Variants in SMAD2 observed in about 807,000 individuals in gnomAD.
The protein encoded by SMAD2 is SMAD family member 2.
In SMAD2, 8 loss-of-function variants were observed where a neutral mutation model predicts 64.4. The observed-to-expected ratio is 0.12, with a 90% CI of 0.07 to 0.22. The LOEUF (loss-of-function observed/expected upper bound fraction) is 0.22. Among genes scored for constraint, SMAD2 ranks in the 10% least tolerant of loss-of-function variants. The pLI, the probability that SMAD2 is intolerant of heterozygous loss-of-function variation, is 1.00. For missense variants in SMAD2, 289 were observed against 561.2 expected, an observed-to-expected ratio of 0.51 and a Z score of 4.90; for synonymous variants, 203 against 195.8, an observed-to-expected ratio of 1.04 and a Z score of -0.31.
chr18:47,902,166 A>G (rs1207040135), intron 1 of SMAD2, among the ~76,000 whole-genome samples: 2 of 152,132 alleles, frequency 1.3e-5, no homozygotes, highest in African/African-American at 4.8e-5. Flanking sequence ...TGCAGCCCAA[A>G]GGCCTCCTCT....
In SMAD2 at chr18:47,819,003, GTATA is replaced by G. The variant is rs1255296997; in HGVS notation, c.*22820_*22823del. ...TATGTTTAGGTGTGTTTACACATAT[GTATA>G]TATATGTTGTATGTTGTGTCTACGT... On this transcript the variant is annotated 3_prime_UTR_variant, in exon 11 of 11. Transcript: ENST00000262160. 1.3e-5 allele frequency: 2 copies of G among 152,192 alleles called. No individual in the cohort carries two copies. The highest frequency in any genetic ancestry group is 2.9e-5 in the Non-Finnish European group (2 of 68,040). The allele number at this position is 152,192 out of a possible 1,614,324, so 9.4% of individuals were successfully genotyped here.
chr18:47,848,916 T>C (rs531143647), intron 7 of SMAD2, among the ~76,000 whole-genome samples: 68 of 152,300 alleles, frequency 4.5e-4, no homozygotes, highest in African/African-American at 1.6e-3. Flanking sequence ...TTTTCAAATT[T>C]CTCCCATGTC....
chr18:47,833,675 T>A lies in SMAD2; in HGVS notation c.*8152A>T, dbSNP rs16958497. 0.013 allele frequency: 2,919 copies of A among 231,216 alleles called. 76 individuals are homozygous for A. Among genetic ancestry groups the A allele is most frequent in the African/African-American group, 0.059 (2,663 of 45,334 alleles). The allele number at this position is 231,216 out of a possible 1,614,324, so 14.3% of individuals were successfully genotyped here. A position where few individuals can be genotyped will look rare whatever the true frequency, so the allele number is the denominator to read the frequency against. ...ATTGAGAGAAACTGCTCAGTCTGCA[T>A]CAGGACACCCAATTCCTTCACTTGC... is the stretch of plus-strand genomic sequence containing the variant. On this transcript the variant is annotated 3_prime_UTR_variant, in exon 11 of 11. Coordinates refer to ENST00000262160, the MANE Select transcript of SMAD2 (RefSeq NM_005901.6).
chr18:47,845,433 T>C lies in SMAD2; in HGVS notation c.1187A>G (p.Gln396Arg). ...GGCTTCAAAACCCTGATTAACAGAC[T>C]GAGCCAGAAGAGCAGCAAATTCCTG... is the stretch of plus-strand genomic sequence containing the variant. ...NNQEFAALLA[Q>R]SVNQGFEAVY... The change falls in exon 10 of 11, where the codon CAG becomes CGG. Residue 396 changes from glutamine (Q) to arginine (R), a missense_variant. Transcript: ENST00000262160. The C allele has an allele frequency of 6.2e-7, 1 of 1,613,590 alleles. No individual in the cohort carries two copies. The highest frequency in any genetic ancestry group is 8.5e-7 in the Non-Finnish European group (1 of 1,179,562).
At chr18:47,872,864 G>A (rs561609616) in intron 2 of SMAD2, among the ~76,000 whole-genome samples, 180 of 152,154 alleles carry the variant, frequency 1.2e-3, no homozygotes, top group Non-Finnish European at 2.0e-3. Context: ...GGGAACAGCC[G>A]ATTTAAAGTA....
Position 47,834,620 on chromosome 18 carries a change from A to G in SMAD2, c.*7207T>C, listed in dbSNP as rs1981. On this transcript the variant is annotated 3_prime_UTR_variant, in exon 11 of 11. Coordinates refer to ENST00000262160, the MANE Select transcript of SMAD2 (RefSeq NM_005901.6). ...AATGGCTAGTTCCTCTAAGCTTGCT[A>G]AAAGGCTAGGAAGTCCAGAAATACC... 117,495 of 205,710 alleles carry G rather than the reference A, an allele frequency of 0.57. 33,724 individuals carry two copies. Among genetic ancestry groups the G allele is most frequent in the East Asian group, 0.84 (11,726 of 14,030 alleles). The allele number at this position is 205,710 out of a possible 1,614,324, so 12.7% of individuals were successfully genotyped here.
chr18:47,930,433 T>C lies in SMAD2; in HGVS notation c.-126A>G, dbSNP rs190123098. ...GACCTTTTGTTCCTTCCTCTTCCGA[T>C]GGGATGGAGGGGGCTGGGAGGGGAA... On this transcript the variant is annotated 5_prime_UTR_variant, in exon 1 of 11. Transcript: ENST00000262160. 6.6e-6 allele frequency: 1 copy of C among 151,120 alleles called. No individual in the cohort carries two copies. Among genetic ancestry groups the C allele is most frequent in the Non-Finnish European group, 1.5e-5 (1 of 67,730 alleles). 9.4% of individuals were successfully genotyped at this position (151,120 alleles called of 1,614,324 possible). A position where few individuals can be genotyped will look rare whatever the true frequency, so the allele number is the denominator to read the frequency against.
At chr18:47,859,159 G>T (rs1180948147) in intron 6 of SMAD2, among the ~76,000 whole-genome samples, 2 of 152,108 alleles carry the variant, frequency 1.3e-5, no homozygotes, top group Non-Finnish European at 2.9e-5. Context: ...TTCCAAATGT[G>T]TATCATCTAA....
chr18:47,845,240 C>A (rs1318331026), intron 10 of SMAD2, 100 bp downstream of exon 10: 1 of 1,212,008 alleles, frequency 8.3e-7, no homozygotes, highest in Admixed American at 1.7e-5. Flanking sequence ...GACTCTATAA[C>A]CTCATTGAAA....
rs1309097991 is a variant in SMAD2 at position 47,815,398 on chromosome 18, G to C, written c.*26429C>G. 1 of 152,214 alleles carries C rather than the reference G, an allele frequency of 6.6e-6. No individual in the cohort carries two copies. Among genetic ancestry groups the C allele is most frequent in the Non-Finnish European group, 1.5e-5 (1 of 68,044 alleles). 9.4% of individuals were successfully genotyped at this position (152,214 alleles called of 1,614,324 possible). On this transcript the variant is annotated 3_prime_UTR_variant, in exon 11 of 11. Transcript: ENST00000262160. ...AAGAACATTGATAGAAAATCTGAAA[G>C]CCCACAGGGAATGTGGTCTAAAGCA...
chr18:47,886,231 T>G (rs751416966), intron 2 of SMAD2, among the ~76,000 whole-genome samples: 3 of 152,226 alleles, frequency 2.0e-5, no homozygotes, highest in Non-Finnish European at 4.4e-5. Flanking sequence ...TTTTGACAAT[T>G]AGCATCCCAC....
intron 1 of SMAD2, among the ~76,000 whole-genome samples, chr18:47,905,982 C>T (rs777254773): frequency 2.0e-5 from 3 of 151,784 alleles, no homozygotes; most frequent in South Asian, 2.1e-4. Context: ...AATAGCTGGG[C>T]GTGGTGCCTC....
chr18:47,868,235 A>T (rs1177230426), intron 5 of SMAD2, 88 bp downstream of exon 5: 2 of 1,172,318 alleles, frequency 1.7e-6, no homozygotes, highest in African/African-American at 3.0e-5. Context: ...TTTTTAAAAA[A>T]GTGAAACCAC....
chr18:47,881,860 A>C (rs772882216), intron 2 of SMAD2, among the ~76,000 whole-genome samples: 4 of 151,964 alleles, frequency 2.6e-5, no homozygotes, highest in Non-Finnish European at 5.9e-5. Context: ...TAATGCAGTA[A>C]ATTACATAGT....
chr18:47,867,292 G>T (rs779647553), intron 5 of SMAD2: 14 of 151,448 alleles, frequency 9.2e-5, no homozygotes, highest in Non-Finnish European at 1.8e-4. Context: ...CTTCCCATTT[G>T]TAAAACCAGC....
At position 47,840,223 on chromosome 18, in the gene SMAD2, T is replaced by C. The variant is rs920017652; in HGVS notation, c.*1604A>G. On this transcript the variant is annotated 3_prime_UTR_variant, in exon 11 of 11. Transcript: ENST00000262160. ...AATGATACCTATAGAGACAGGTGGA[T>C]ATGATTTCAAAGAACAAGTACCAAA... 1 of 233,100 alleles carries C rather than the reference T, an allele frequency of 4.3e-6. No homozygotes were observed. The highest frequency in any genetic ancestry group is 6.0e-5 in the East Asian group (1 of 16,626). The allele number at this position is 233,100 out of a possible 1,614,324, so 14.4% of individuals were successfully genotyped here.
intron 7 of SMAD2, 39 bp downstream of exon 7, chr18:47,851,235 C>G: frequency 7.4e-7 from 1 of 1,349,082 alleles, no homozygotes; most frequent in Non-Finnish European, 1.1e-6. Context: ...GTAGGTGATA[C>G]AGTATAAAAA....
rs1568034573 is a variant in SMAD2 at position 47,845,357 on chromosome 18, C to T, written c.1263G>A (p.Gly421=). Residue 421 remains glycine (G), a synonymous_variant, in exon 10 of 11, where the codon GGG becomes GGA. Transcript: ENST00000262160. The stretch of plus-strand genomic sequence containing the variant: ...TTTCATACCGGTATTCTGCTCCCCA[C>T]CCTTTCACAAAACTCATTCTTATGG... The part of the protein sequence containing the change: ...MCTIRMSFVK[G]WGAEYRRQTV... The T allele has an allele frequency of 6.2e-7, 1 of 1,613,908 alleles. No homozygotes were observed. The highest frequency in any genetic ancestry group is 1.7e-5 in the Admixed American group (1 of 60,010).
Position 47,819,239 on chromosome 18 carries a change from TTGTCTC to T in SMAD2, c.*22582_*22587del, listed in dbSNP as rs1912479468. ...CTGAATTTACTACTCAGTTTTATAT[TTGTCTC>T]TGTTAGACTTTTTAAGGTCATAAAA... On this transcript the variant is annotated 3_prime_UTR_variant, in exon 11 of 11. Coordinates refer to ENST00000262160, the MANE Select transcript of SMAD2 (RefSeq NM_005901.6). 6.6e-6 allele frequency: 1 copy of T among 152,232 alleles called. No homozygotes were observed. The highest frequency in any genetic ancestry group is 1.5e-5 in the Non-Finnish European group (1 of 68,044). 9.4% of individuals were successfully genotyped at this position (152,232 alleles called of 1,614,324 possible).
Sources: gnomAD v4.1 joint callset for allele counts (sites outside exome capture counted in the v4.1 genomes callset) on GRCh38, gnomAD v4.1.1 for gene constraint, MANE v1.5 for transcripts, NCBI Gene and HGNC (gene_info 2026-07-23, HGNC 2026-07-21) for gene names.